Variants in PIGX observed in about 807,000 individuals in gnomAD.
PIGX encodes phosphatidylinositol glycan anchor biosynthesis class X.
Under a neutral mutation model 28.7 loss-of-function variants are expected in PIGX, and 24 were observed. That is an observed-to-expected ratio of 0.84 (90% CI 0.60 to 1.17). The LOEUF is 1.17. Ranked by LOEUF, PIGX falls within the 50% of genes most tolerant of loss-of-function variation. The pLI, the probability that PIGX is intolerant of heterozygous loss-of-function variation, is 0.00. For synonymous variants in PIGX, 127 were observed against 121.0 expected, an observed-to-expected ratio of 1.05 and a Z score of -0.33; for missense variants, 305 against 317.8, an observed-to-expected ratio of 0.96 and a Z score of 0.31.
Position 196,731,095 on chromosome 3 carries a change from A to G in PIGX, c.633+3A>G, listed in dbSNP as rs1712733071. The G allele has an allele frequency of 1.3e-6, 2 of 1,504,806 alleles. No individual in the cohort carries two copies. Among genetic ancestry groups the G allele is most frequent in the Non-Finnish European group, 1.8e-6 (2 of 1,081,640 alleles). 93.2% of individuals were successfully genotyped at this position (1,504,806 alleles called of 1,614,324 possible). On this transcript the variant is annotated splice_donor_region_variant and intron_variant, in intron 5 of 5. Transcript: ENST00000392391. ...GGAACAAGATGAAGTATAAATCAGTAAGCTAATGTTTTATGTTGTTTTTTA... is the reference window on the plus strand; with the variant it reads ...GGAACAAGATGAAGTATAAATCAGTGAGCTAATGTTTTATGTTGTTTTTTA...
chr3:196,712,426 C>A lies in PIGX; in HGVS notation c.-107C>A. The A allele has an allele frequency of 2.3e-6, 1 of 443,868 alleles. No individual in the cohort carries two copies. The highest frequency in any genetic ancestry group is 3.3e-6 in the Non-Finnish European group (1 of 306,834). The allele number at this position is 443,868 out of a possible 1,614,324, so 27.5% of individuals were successfully genotyped here. On this transcript the variant is annotated 5_prime_UTR_variant, in exon 1 of 6. Transcript: ENST00000392391. The stretch of plus-strand genomic sequence containing the variant: ...GCGCGCACCCAGCACTCGGTCCCAG[C>A]CGATAAATCTGGGGCAGCGCGCGGT...
chr3:196,718,175 T>C (rs1300028133), intron 2 of PIGX, among the ~76,000 whole-genome samples: 1 of 151,972 alleles, frequency 6.6e-6, no homozygotes, highest in African/African-American at 2.4e-5. Context: ...CCAGGCGTGG[T>C]GGTGGGCGCC....
chr3:196,716,484 T>TA (rs938024604), intron 1 of PIGX, among the ~76,000 whole-genome samples: 1 of 152,180 alleles, frequency 6.6e-6, no homozygotes, highest in African/African-American at 2.4e-5. Flanking sequence ...GTAATATTAA[T>TA]AAAAAACACT....
At position 196,735,559 on chromosome 3, in the gene PIGX, T is replaced by C. The variant is rs1231360631; in HGVS notation, c.*1657T>C. ...TTTAAACGTGTATTTGAGACTTAAA[T>C]ATTGGAAAAGGTAACCCAGTGCCAT... On this transcript the variant is annotated 3_prime_UTR_variant, in exon 6 of 6. Coordinates refer to ENST00000392391, the MANE Select transcript of PIGX (RefSeq NM_017861.4). The C allele has an allele frequency of 6.6e-6, 1 of 152,140 alleles. No homozygotes were observed. Among genetic ancestry groups the C allele is most frequent in the Admixed American group, 6.5e-5 (1 of 15,268 alleles). 9.4% of individuals were successfully genotyped at this position (152,140 alleles called of 1,614,324 possible). A position where few individuals can be genotyped will look rare whatever the true frequency, so the allele number is the denominator to read the frequency against.
At chr3:196,730,935 C>A in intron 4 of PIGX, 57 bp from the exon 5 acceptor site, 1 of 1,002,186 alleles carries the variant, frequency 1.0e-6, no homozygotes, top group South Asian at 1.3e-5. Context: ...TTAATACAAG[C>A]CTAGCTTTCA....
At chr3:196,732,568 C>T (rs547960282) in intron 5 of PIGX, among the ~76,000 whole-genome samples, 16 of 151,942 alleles carry the variant, frequency 1.1e-4, no homozygotes, top group Admixed American at 7.2e-4. Context: ...GCATGAGCCA[C>T]TGCACCCGGC....
intron 2 of PIGX, among the ~76,000 whole-genome samples, chr3:196,722,094 G>GC (rs1712350076): frequency 6.6e-6 from 1 of 152,262 alleles, no homozygotes; most frequent in Admixed American, 6.5e-5. Flanking sequence ...TTGTTTCAGT[G>GC]CCATTTGTTG....
rs1906044 is a variant in PIGX at position 196,716,932 on chromosome 3, T to C, written c.176+11T>C. Reference sequence around the variant, plus strand: ...AGATGGTTTCCACAGGTAAGTTGCCTGTTGATTTCTATTTCTATTAAAATA... The same window carrying C: ...AGATGGTTTCCACAGGTAAGTTGCCCGTTGATTTCTATTTCTATTAAAATA... On this transcript the variant is annotated intron_variant, in intron 2 of 5. Transcript: ENST00000392391. The C allele has an allele frequency of 0.64, 964,925 of 1,508,000 alleles. 311,691 individuals carry two copies. The highest frequency in any genetic ancestry group is 0.85 in the African/African-American group (61,650 of 72,658). The allele number at this position is 1,508,000 out of a possible 1,614,324, so 93.4% of individuals were successfully genotyped here.
chr3:196,732,239 TATATATATATATATATATTTTA>T (rs1560080567), intron 5 of PIGX, among the ~76,000 whole-genome samples: 78 of 65,870 alleles, frequency 1.2e-3, no homozygotes, highest in South Asian at 4.7e-3. Flanking sequence ...TATATATATA[TATATATATATATATATATTTTA>T]TTTTATTTTA....
chr3:196,720,465 G>T (rs1712278538), intron 2 of PIGX, among the ~76,000 whole-genome samples: 1 of 152,196 alleles, frequency 6.6e-6, no homozygotes, highest in Admixed American at 6.5e-5. Context: ...CACTTTGGTT[G>T]CTCCTGCCTT....
chr3:196,712,785 G>C, intron 1 of PIGX, 141 bp downstream of exon 1: 2 of 1,107,866 alleles, frequency 1.8e-6, no homozygotes, highest in Middle Eastern at 3.9e-4. Context: ...CACTAGAGCC[G>C]TGTGCCCTCC....
chr3:196,716,562 G>C (rs868328716), intron 1 of PIGX, among the ~76,000 whole-genome samples: 1 of 151,994 alleles, frequency 6.6e-6, no homozygotes, highest in South Asian at 2.1e-4. Context: ...AAATTCTTAC[G>C]ACAGCTAGTA....
intron 1 of PIGX, among the ~76,000 whole-genome samples, chr3:196,715,081 T>A (rs530608586): frequency 7.9e-5 from 12 of 151,610 alleles, no homozygotes; most frequent in Admixed American, 2.0e-4. Flanking sequence ...TCTCAAAAAA[T>A]AAATAAATAA....
intron 5 of PIGX, among the ~76,000 whole-genome samples, chr3:196,731,855 C>T (rs1452322029): frequency 6.6e-6 from 1 of 152,002 alleles, no homozygotes; most frequent in East Asian, 1.9e-4. Flanking sequence ...GAGACAGAGT[C>T]TCGCTCTGTT....
intron 3 of PIGX, among the ~76,000 whole-genome samples, chr3:196,725,419 G>A (rs909216820): frequency 6.6e-6 from 1 of 152,184 alleles, no homozygotes; most frequent in African/African-American, 2.4e-5. Context: ...GAGCCCTACT[G>A]TCATCCAGCT....
At position 196,726,620 on chromosome 3, in the gene PIGX, G is replaced by A. The variant is rs143310881; in HGVS notation, c.319-1303G>A. On this transcript the variant is annotated intron_variant, in intron 3 of 5. Coordinates refer to ENST00000392391, the MANE Select transcript of PIGX (RefSeq NM_017861.4). Reference sequence around the variant, plus strand: ...GAATGATTTGGAAACCATGTCATGAGAACCCAGGAGAACTGTGAACATTTC... The same window carrying A: ...GAATGATTTGGAAACCATGTCATGAAAACCCAGGAGAACTGTGAACATTTC... 4.4e-5 allele frequency: 20 copies of A among 453,600 alleles called. No homozygotes were observed. In the Middle Eastern group the frequency reaches 1.3e-3, roughly 30 times the overall value. 28.1% of individuals were successfully genotyped at this position (453,600 alleles called of 1,614,324 possible).
intron 4 of PIGX, chr3:196,728,593 C>T (rs1025033041): frequency 5.4e-6 from 4 of 735,382 alleles, no homozygotes; most frequent in Non-Finnish European, 7.5e-6. Flanking sequence ...TTCTTCAACA[C>T]TGATCTGTTG....
chr3:196,716,936 GATTTCT>G lies in PIGX; in HGVS notation c.176+25_176+30del. 1 of 1,461,666 alleles carries G rather than the reference GATTTCT, an allele frequency of 6.8e-7. No individual in the cohort carries two copies. The allele number at this position is 1,461,666 out of a possible 1,614,324, so 90.5% of individuals were successfully genotyped here. A position where few individuals can be genotyped will look rare whatever the true frequency, so the allele number is the denominator to read the frequency against. ...GGTTTCCACAGGTAAGTTGCCTGTT[GATTTCT>G]ATTTCTATTAAAATAATGTGTCATA... On this transcript the variant is annotated intron_variant, in intron 2 of 5. Coordinates refer to ENST00000392391, the MANE Select transcript of PIGX (RefSeq NM_017861.4).
At chr3:196,728,792 A>G (rs1229396771) in intron 4 of PIGX, 1 of 766,126 alleles carries the variant, frequency 1.3e-6, no homozygotes, top group Non-Finnish European at 2.4e-6. Flanking sequence ...GCCATTTAAT[A>G]TTAGTAGGCA....
Sources: gnomAD v4.1 joint callset for allele counts (sites outside exome capture counted in the v4.1 genomes callset) on GRCh38, gnomAD v4.1.1 for gene constraint, MANE v1.5 for transcripts, NCBI Gene and HGNC (gene_info 2026-07-23, HGNC 2026-07-21) for gene names.